Variants in DNAAF4 observed in about 807,000 individuals in gnomAD.
DNAAF4 encodes the protein dynein assembly factor 4, axonemal.
Under a neutral mutation model 51.8 loss-of-function variants are expected in DNAAF4, and 43 were observed. The ratio of observed to expected loss-of-function variants is 0.83; its 90% CI spans 0.65 to 1.07. The LOEUF (loss-of-function observed/expected upper bound fraction) is 1.07. Among genes scored for constraint, DNAAF4 ranks in the 50% least tolerant of loss-of-function variants. The pLI, the probability that DNAAF4 is intolerant of heterozygous loss-of-function variation, is 0.00. For synonymous variants in DNAAF4, 194 were observed against 165.6 expected (o/e 1.17, Z -1.32); for missense variants, 581 against 493.0 (o/e 1.18, Z -1.69).
In DNAAF4 at chr15:55,460,845, A is replaced by T. The variant is rs139429459; in HGVS notation, c.637+6085T>A. On this transcript the variant is annotated intron_variant, in intron 5 of 9. Coordinates refer to ENST00000321149, the MANE Select transcript of DNAAF4 (RefSeq NM_130810.4). ...AGTGGCGTGATCTCGACTCACCGCAACCTCCACCTCTTGGGCTCAAGTGAT... is the reference window on the plus strand; with the variant it reads ...AGTGGCGTGATCTCGACTCACCGCATCCTCCACCTCTTGGGCTCAAGTGAT... 9.5e-3 allele frequency among the ~76,000 whole-genome samples: 1,442 copies of T among 151,558 alleles called. 19 individuals are homozygous for T. Among genetic ancestry groups the T allele is most frequent in the African/African-American group, 0.033 (1,350 of 41,260 alleles).
At chr15:55,452,971 G>A (rs1159099146) in intron 5 of DNAAF4, among the ~76,000 whole-genome samples, 2 of 151,964 alleles carry the variant, frequency 1.3e-5, no homozygotes, top group African/African-American at 4.8e-5. Flanking sequence ...AATTACAGAC[G>A]TGCACCACCA....
chr15:55,475,250 A>G (rs1002969566), intron 4 of DNAAF4, among the ~76,000 whole-genome samples: 4 of 152,194 alleles, frequency 2.6e-5, no homozygotes, highest in Non-Finnish European at 5.9e-5. Flanking sequence ...GGCAACATGA[A>G]GAGGTTGGCA....
At chr15:55,454,077 G>A (rs964499709) in intron 5 of DNAAF4, among the ~76,000 whole-genome samples, 2 of 151,878 alleles carry the variant, frequency 1.3e-5, no homozygotes, top group African/African-American at 4.8e-5. Flanking sequence ...AAGACAGGTA[G>A]ATCGCTTGAG....
intron 7 of DNAAF4, among the ~76,000 whole-genome samples, chr15:55,421,206 A>AT (rs2057385562): frequency 1.3e-5 from 2 of 150,302 alleles, no homozygotes; most frequent in Admixed American, 6.7e-5. Context: ...AAAAAAAAAA[A>AT]TTCTCAGGAT....
At chr15:55,464,699 G>A (rs544458024) in intron 5 of DNAAF4, among the ~76,000 whole-genome samples, 6 of 152,164 alleles carry the variant, frequency 3.9e-5, no homozygotes, top group Non-Finnish European at 8.8e-5. Flanking sequence ...CAGGTGTGGT[G>A]GCTCATGCCT....
chr15:55,466,834 T>A, intron 5 of DNAAF4, 96 bp downstream of exon 5: 1 of 1,450,522 alleles, frequency 6.9e-7, no homozygotes, highest in Admixed American at 2.5e-5. Flanking sequence ...GCCAAAACAG[T>A]AACCTAATGC....
intron 4 of DNAAF4, among the ~76,000 whole-genome samples, chr15:55,469,007 G>A (rs757545292): frequency 2.0e-5 from 3 of 152,114 alleles, no homozygotes; most frequent in Non-Finnish European, 4.4e-5. Flanking sequence ...ATGATAAAGA[G>A]AAAAGAGACT....
chr15:55,442,244 G>C (rs1037519233), intron 6 of DNAAF4, among the ~76,000 whole-genome samples: 2 of 151,986 alleles, frequency 1.3e-5, no homozygotes, highest in Non-Finnish European at 2.9e-5. Flanking sequence ...TCAGCCTCCT[G>C]AGTAGCTGGG....
rs1162485238 is a variant in DNAAF4 at position 55,469,474 on chromosome 15, CTTTTTT to C, written c.406-2319_406-2314del. 9.1e-5 allele frequency among the ~76,000 whole-genome samples: 6 copies of C among 66,270 alleles called. No homozygotes were observed. In the East Asian group the frequency reaches 1.7e-3, roughly 19 times the overall value. The allele number at this position is 66,270 out of a possible 152,430, so 43.5% of individuals were successfully genotyped here. A position where few individuals can be genotyped will look rare whatever the true frequency, so the allele number is the denominator to read the frequency against. On this transcript the variant is annotated intron_variant, in intron 4 of 9. Transcript: ENST00000321149. ...TGGGTTTCTCCTATGCTTACCAATT[CTTTTTT>C]TTTTTTTTTTTTTTTTTTTTGAGAC...
chr15:55,428,644 G>C (rs2057456136), downstream of DNAAF4, among the ~76,000 whole-genome samples: 2 of 151,270 alleles, frequency 1.3e-5, no homozygotes, highest in African/African-American at 4.8e-5. Context: ...ACAGGCGCCT[G>C]CCACCACGCC....
chr15:55,439,359 C>G (rs2057670015), intron 7 of DNAAF4, 113 bp downstream of exon 7: 3 of 836,710 alleles, frequency 3.6e-6, no homozygotes, highest in Non-Finnish European at 5.6e-6. Context: ...ATCATCCCAC[C>G]TCGGCCTCCC....
chr15:55,458,520 A>C (rs2058051569), intron 5 of DNAAF4, among the ~76,000 whole-genome samples: 1 of 152,198 alleles, frequency 6.6e-6, no homozygotes, highest in South Asian at 2.1e-4. Flanking sequence ...AAATGAACAA[A>C]GCCTCCAAGA....
chr15:55,446,109 A>G (rs1262339800), intron 6 of DNAAF4, among the ~76,000 whole-genome samples: 236 of 55,892 alleles, frequency 4.2e-3, no homozygotes, highest in Middle Eastern at 0.037. Flanking sequence ...CATCCCAGAC[A>G]GGGCAGCCAG....
At chr15:55,493,835 C>G (rs929928974) in intron 3 of DNAAF4, among the ~76,000 whole-genome samples, 3 of 152,140 alleles carry the variant, frequency 2.0e-5, no homozygotes, top group Admixed American at 6.5e-5. Flanking sequence ...TCCCAAGTAG[C>G]TGGGACTATA....
chr15:55,439,552 T>A lies in DNAAF4; in HGVS notation c.813A>T (p.Arg271Ser). 6.2e-7 allele frequency: 1 copy of A among 1,614,092 alleles called. No individual in the cohort carries two copies. The highest frequency in any genetic ancestry group is 8.5e-7 in the Non-Finnish European group (1 of 1,179,996). ...EWLHKQAEAR[R>S]AMNTDIAELC... ...GTTCAGCTATGTCAGTATTCATTGC[T>A]CTTCGTGCCTCAGCTTGTTTGTGTA... The change falls in exon 7 of 10, where the codon AGA becomes AGT. Residue 271 changes from arginine to serine, a missense_variant. Transcript: ENST00000321149.
chr15:55,431,694 G>A (rs2057497955), intron 9 of DNAAF4, among the ~76,000 whole-genome samples: 1 of 151,910 alleles, frequency 6.6e-6, no homozygotes, highest in Non-Finnish European at 1.5e-5. Context: ...TAGCCCGGAT[G>A]GTCTTGATCT....
intron 4 of DNAAF4, among the ~76,000 whole-genome samples, chr15:55,484,588 A>G (rs1429562039): frequency 2.0e-5 from 3 of 152,142 alleles, no homozygotes; most frequent in African/African-American, 7.2e-5. Context: ...TCAAAGGGAT[A>G]TTTTTATACT....
intron 7 of DNAAF4, chr15:55,418,648 T>A: frequency 1.0e-6 from 1 of 977,382 alleles, no homozygotes; most frequent in East Asian, 2.7e-5. Flanking sequence ...GAATACCTAA[T>A]AAAGAAGATA....
At chr15:55,434,400 T>C (rs2057574444) in intron 8 of DNAAF4, among the ~76,000 whole-genome samples, 1 of 152,126 alleles carries the variant, frequency 6.6e-6, no homozygotes, top group South Asian at 2.1e-4. Context: ...ATTTTGCACA[T>C]GATATGCCCT....
Sources: allele counts gnomAD v4.1 joint callset (sites outside exome capture counted in the v4.1 genomes callset), GRCh38; gene constraint gnomAD v4.1.1; transcripts MANE v1.5; gene names NCBI Gene and HGNC (gene_info 2026-07-23, HGNC 2026-07-21).